The following PLCXD3 variants were observed in gnomAD, a reference collection of about 807,000 sequenced individuals.
PLCXD3 encodes the protein PI-PLC X domain-containing protein 3.
Under a neutral mutation model 25.5 loss-of-function variants are expected in PLCXD3, and 19 were observed. That is an observed-to-expected ratio of 0.75 (90% CI 0.52 to 1.09). The LOEUF (loss-of-function observed/expected upper bound fraction) is 1.09, where lower values mean the gene tolerates loss of function less well. Among genes scored for constraint, PLCXD3 ranks in the 50% least tolerant of loss-of-function variants. PLCXD3 has a pLI of 0.00. For missense variants in PLCXD3, 411 were observed against 388.1 expected (o/e 1.06, Z -0.50); for synonymous variants, 174 against 137.6 (o/e 1.26, Z -1.85).
intron 2 of PLCXD3, among the ~76,000 whole-genome samples, chr5:41,374,230 A>T (rs1745212042): frequency 6.6e-6 from 1 of 152,100 alleles, no homozygotes; most frequent in Non-Finnish European, 1.5e-5. Context: ...TTAAGAATGA[A>T]ACACTTTGAG....
intron 2 of PLCXD3, among the ~76,000 whole-genome samples, chr5:41,350,136 C>G (rs761006720): frequency 2.0e-5 from 3 of 152,108 alleles, no homozygotes; most frequent in South Asian, 2.1e-4. Context: ...ACACAGCTCC[C>G]TCTCTCACGT....
chr5:41,473,491 G>A (rs946080365), intron 1 of PLCXD3, among the ~76,000 whole-genome samples: 6 of 151,510 alleles, frequency 4.0e-5, no homozygotes, highest in Non-Finnish European at 5.9e-5. Flanking sequence ...TTTTTGAGAC[G>A]AGTCTTTCTC....
intron 1 of PLCXD3, among the ~76,000 whole-genome samples, chr5:41,385,251 T>C (rs1220234899): frequency 2.0e-5 from 3 of 152,122 alleles, no homozygotes; most frequent in Non-Finnish European, 2.9e-5. Context: ...TCTGATATTT[T>C]GCTTCTACAT....
At chr5:41,389,792 G>A (rs1052675686) in intron 1 of PLCXD3, among the ~76,000 whole-genome samples, 2 of 151,906 alleles carry the variant, frequency 1.3e-5, no homozygotes, top group East Asian at 3.9e-4. Flanking sequence ...TATTTTATAT[G>A]GTAACTTTCA....
In PLCXD3 at chr5:41,466,016, AAC is replaced by A. The variant is rs144181160; in HGVS notation, c.103+44406_103+44407del. Among the ~76,000 whole-genome samples the A allele has an allele frequency of 5.4e-3, 828 of 152,260 alleles. 15 individuals are homozygous for A. The highest frequency in any genetic ancestry group is 0.019 in the African/African-American group (790 of 41,568). On this transcript the variant is annotated intron_variant, in intron 1 of 2. Transcript: ENST00000377801. ...TTTATCCTTTGCAAACACAAAGAGAAACACATTTCGTTTATCATTTTCCCCTA... is the reference window on the plus strand; with the variant it reads ...TTTATCCTTTGCAAACACAAAGAGAAACATTTCGTTTATCATTTTCCCCTA...
At chr5:41,462,326 G>A (rs1184017036) in intron 1 of PLCXD3, among the ~76,000 whole-genome samples, 2 of 152,022 alleles carry the variant, frequency 1.3e-5, no homozygotes, top group Non-Finnish European at 2.9e-5. Flanking sequence ...CTGCAGCAAG[G>A]GAAATGGGTA....
At chr5:41,429,585 A>T (rs1747043884) in intron 1 of PLCXD3, among the ~76,000 whole-genome samples, 1 of 152,192 alleles carries the variant, frequency 6.6e-6, no homozygotes, top group Non-Finnish European at 1.5e-5. Flanking sequence ...GTTCAAAATC[A>T]TCTTGAATGT....
intron 2 of PLCXD3, among the ~76,000 whole-genome samples, chr5:41,338,640 C>T (rs1256277085): frequency 1.3e-5 from 2 of 152,078 alleles, no homozygotes; most frequent in Non-Finnish European, 2.9e-5. Context: ...TTACAAGTTT[C>T]TTTCTGACCA....
chr5:41,437,882 A>G (rs559343987), intron 1 of PLCXD3, among the ~76,000 whole-genome samples: 1 of 152,328 alleles, frequency 6.6e-6, no homozygotes, highest in Non-Finnish European at 1.5e-5. Flanking sequence ...ACTACTGTCC[A>G]TCAACATGTG....
At chr5:41,478,616 CT>C (rs1287474665) in intron 1 of PLCXD3, among the ~76,000 whole-genome samples, 7 of 152,296 alleles carry the variant, frequency 4.6e-5, no homozygotes, top group South Asian at 2.1e-4. Flanking sequence ...CTATTTACTT[CT>C]GTTTTAAGAA....
intron 1 of PLCXD3, among the ~76,000 whole-genome samples, chr5:41,387,948 A>G (rs1182302137): frequency 5.9e-5 from 9 of 152,118 alleles, no homozygotes; most frequent in Admixed American, 5.2e-4. Context: ...TTGATTATTA[A>G]TATCAATGGG....
At chr5:41,383,332 T>C (rs1382049465) in intron 1 of PLCXD3, among the ~76,000 whole-genome samples, 1 of 152,118 alleles carries the variant, frequency 6.6e-6, no homozygotes, top group Non-Finnish European at 1.5e-5. Flanking sequence ...TAGAAGAATT[T>C]CTTCCTAGGA....
At chr5:41,351,023 T>G (rs1196611971) in intron 2 of PLCXD3, among the ~76,000 whole-genome samples, 1 of 152,180 alleles carries the variant, frequency 6.6e-6, no homozygotes, top group Non-Finnish European at 1.5e-5. Flanking sequence ...TGGCAAGGAC[T>G]GGAGAAAGTA....
Position 41,457,261 on chromosome 5 carries a change from T to G in PLCXD3, c.103+53163A>C, listed in dbSNP as rs922047061. Among the ~76,000 whole-genome samples, 15 of 152,062 alleles carry G rather than the reference T, an allele frequency of 9.9e-5. No homozygotes were observed. The East Asian group carries it at 2.1e-3, about 22-fold the overall frequency. ...AAAGCGATTTGCATGAACATGTATC[T>G]GAGAACCCTCTGTTTTATTTTTAAA... On this transcript the variant is annotated intron_variant, in intron 1 of 2. Transcript: ENST00000377801.
intron 1 of PLCXD3, among the ~76,000 whole-genome samples, chr5:41,432,333 A>G (rs1747131377): frequency 6.6e-6 from 1 of 152,198 alleles, no homozygotes. Context: ...AAATTCAGGT[A>G]AGTTTATCGA....
At chr5:41,461,975 C>A (rs1417853011) in intron 1 of PLCXD3, among the ~76,000 whole-genome samples, 2 of 151,964 alleles carry the variant, frequency 1.3e-5, no homozygotes, top group South Asian at 4.1e-4. Flanking sequence ...TACCCACAGT[C>A]CTGAAGAAAT....
At chr5:41,331,944 A>G (rs1438239293) in intron 2 of PLCXD3, among the ~76,000 whole-genome samples, 1 of 152,242 alleles carries the variant, frequency 6.6e-6, no homozygotes, top group Non-Finnish European at 1.5e-5. Context: ...AAATTAATTC[A>G]AGATGGATTA....
chr5:41,423,880 A>G (rs571713848), intron 1 of PLCXD3, among the ~76,000 whole-genome samples: 44 of 152,192 alleles, frequency 2.9e-4, no homozygotes, highest in Non-Finnish European at 5.7e-4. Flanking sequence ...TGATGTTTTG[A>G]TACATTGTGA....
chr5:41,489,888 A>AATT (rs1390246305), intron 1 of PLCXD3, among the ~76,000 whole-genome samples: 3 of 151,786 alleles, frequency 2.0e-5, no homozygotes, highest in Non-Finnish European at 2.9e-5. Context: ...AAACAGGGAC[A>AATT]ATTTGACTTC....
Sources: gnomAD v4.1 joint callset for allele counts (sites outside exome capture counted in the v4.1 genomes callset) on GRCh38, gnomAD v4.1.1 for gene constraint, MANE v1.5 for transcripts, NCBI Gene and HGNC (gene_info 2026-07-23, HGNC 2026-07-21) for gene names.